Variants in IL1RAPL2 observed in about 807,000 individuals in gnomAD.
The protein encoded by IL1RAPL2 is interleukin 1 receptor accessory protein like 2.
IL1RAPL2 carries 3 observed loss-of-function variants against 44.1 expected under a neutral mutation model. The observed-to-expected ratio is 0.07, with a 90% confidence interval of 0.03 to 0.18. The LOEUF (loss-of-function observed/expected upper bound fraction) is 0.18, where lower values mean the gene tolerates loss of function less well. Ranked by LOEUF, IL1RAPL2 falls within the 10% of genes least tolerant of loss-of-function variation. IL1RAPL2 has a pLI of 1.00. For missense variants in IL1RAPL2, 391 were observed against 496.4 expected, an observed-to-expected ratio of 0.79 and a Z score of 2.02; for synonymous variants, 181 against 178.8, an observed-to-expected ratio of 1.01 and a Z score of -0.10.
intron 2 of IL1RAPL2, among the ~76,000 whole-genome samples, chrX:104,662,809 G>T (rs1930426183): frequency 8.9e-6 from 1 of 112,021 alleles, no homozygotes; most frequent in South Asian, 3.7e-4. Flanking sequence ...TTATGCAGTT[G>T]TTGGCATTCA....
chrX:104,644,881 C>T (rs369986352), intron 1 of IL1RAPL2, among the ~76,000 whole-genome samples: 3 of 111,699 alleles, frequency 2.7e-5, no homozygotes, highest in African/African-American at 9.7e-5. Context: ...TCAATCTATA[C>T]AGTCTGATTC....
At chrX:105,062,952 C>T (rs1418655569) in intron 2 of IL1RAPL2, among the ~76,000 whole-genome samples, 1 of 111,179 alleles carries the variant, frequency 9.0e-6, no homozygotes, top group African/African-American at 3.3e-5. Context: ...CTATAACCTT[C>T]TTGTACTTGA....
intron 2 of IL1RAPL2, among the ~76,000 whole-genome samples, chrX:104,983,437 A>ATAGATACATAATATTATATAATAT (rs1569355604): frequency 4.5e-5 from 4 of 88,831 alleles, no homozygotes; most frequent in East Asian, 6.6e-4. Context: ...ATAATATATA[A>ATAGATACATAATATTATATAATAT]TAGATACATA....
In IL1RAPL2 at chrX:104,906,707, C is replaced by A. The variant is rs147939947; in HGVS notation, c.82+247712C>A. ...TTGATGTGCTGCTGGATTCGTTTTG[C>A]CAGTATGTTATTGAAGATTTTTGCA... is the stretch of plus-strand genomic sequence containing the variant. On this transcript the variant is annotated intron_variant, in intron 2 of 10. Transcript: ENST00000372582. 6.5e-3 allele frequency among the ~76,000 whole-genome samples: 728 copies of A among 111,603 alleles called. 3 individuals are homozygous for A. Among genetic ancestry groups the A allele is most frequent in the African/African-American group, 0.023 (693 of 30,720 alleles).
chrX:104,660,083 T>C (rs750627027), intron 2 of IL1RAPL2, among the ~76,000 whole-genome samples: 9 of 111,711 alleles, frequency 8.1e-5, no homozygotes, highest in Admixed American at 7.6e-4. Flanking sequence ...GATAGGGCAA[T>C]ATATTGTCTT....
At chrX:105,148,256 C>A (rs1403756172) in intron 2 of IL1RAPL2, among the ~76,000 whole-genome samples, 1 of 111,340 alleles carries the variant, frequency 9.0e-6, no homozygotes, top group Non-Finnish European at 1.9e-5. Flanking sequence ...CACCTCCATG[C>A]TGTGACACAT....
intron 5 of IL1RAPL2, among the ~76,000 whole-genome samples, chrX:105,365,159 A>G (rs2035284477): frequency 9.0e-6 from 1 of 111,640 alleles, no homozygotes; most frequent in African/African-American, 3.2e-5. Context: ...TGAGATGATC[A>G]TGTGGTTTTT....
Position 105,220,004 on chromosome X carries a change from C to T in IL1RAPL2, c.357-13814C>T. On this transcript the variant is annotated intron_variant, in intron 3 of 10. Coordinates refer to ENST00000372582, the MANE Select transcript of IL1RAPL2 (RefSeq NM_017416.2). ...TGCACCTCCACGAGGCTGGTCTGGG[C>T]CATTCTTAGCCGGGAGGCCGCCTCC... 8.3e-7 allele frequency: 1 copy of T among 1,209,988 alleles called. No individual in the cohort carries two copies. The highest frequency in any genetic ancestry group is 1.1e-6 in the Non-Finnish European group (1 of 894,557).
intron 2 of IL1RAPL2, among the ~76,000 whole-genome samples, chrX:104,663,027 G>T (rs1314975384): frequency 8.9e-6 from 1 of 111,762 alleles, no homozygotes; most frequent in Non-Finnish European, 1.9e-5. Flanking sequence ...TAAGAAGAAT[G>T]TGAAGACTTG....
chrX:105,767,333 T>A lies in IL1RAPL2; in HGVS notation c.1733T>A (p.Phe578Tyr), dbSNP rs759182698. The A allele has an allele frequency of 3.3e-6, 4 of 1,210,336 alleles. No individual in the cohort carries two copies. Among genetic ancestry groups the A allele is most frequent in the Non-Finnish European group, 3.4e-6 (3 of 895,226 alleles). ...HVLDSAEQGLFGELQPIPSIA... is the reference protein window; with the variant it reads ...HVLDSAEQGLYGELQPIPSIA... ...CTGGACTCCGCAGAACAAGGACTTTTTGGAGAACTCCAGCCTATACCCTCT... is the reference window on the plus strand; with the variant it reads ...CTGGACTCCGCAGAACAAGGACTTTATGGAGAACTCCAGCCTATACCCTCT... Residue 578 changes from phenylalanine to tyrosine, a missense_variant, in exon 11 of 11, where the codon TTT becomes TAT. Coordinates refer to ENST00000372582, the MANE Select transcript of IL1RAPL2 (RefSeq NM_017416.2).
chrX:105,511,043 A>G (rs749035892), intron 6 of IL1RAPL2, among the ~76,000 whole-genome samples: 15 of 111,837 alleles, frequency 1.3e-4, no homozygotes, highest in Non-Finnish European at 2.3e-4. Flanking sequence ...TGATATGACA[A>G]AGGAAATGTA....
chrX:104,660,369 T>A (rs1309628667), intron 2 of IL1RAPL2, among the ~76,000 whole-genome samples: 7 of 109,360 alleles, frequency 6.4e-5, no homozygotes, highest in African/African-American at 2.0e-4. Context: ...CATGTCATAA[T>A]GTCTGGAGCA....
At chrX:105,265,086 CAGTG>C (rs1243410375) in intron 4 of IL1RAPL2, among the ~76,000 whole-genome samples, 1 of 111,912 alleles carries the variant, frequency 8.9e-6, no homozygotes, top group African/African-American at 3.2e-5. Context: ...AAAAGCAAAA[CAGTG>C]AGCAGAGAAA....
intron 6 of IL1RAPL2, among the ~76,000 whole-genome samples, chrX:105,529,892 TC>T (rs1360591997): frequency 2.7e-5 from 3 of 112,212 alleles, no homozygotes; most frequent in Non-Finnish European, 5.6e-5. Context: ...AGAATTTCCT[TC>T]CCTTTTAAGG....
At chrX:105,271,754 C>T (rs764141983) in intron 5 of IL1RAPL2, among the ~76,000 whole-genome samples, 1 of 110,225 alleles carries the variant, frequency 9.1e-6, no homozygotes, top group South Asian at 4.0e-4. Flanking sequence ...AGGTCCTTCA[C>T]ATCCCTTGTA....
At chrX:105,249,309 G>T (rs1233115803) in intron 4 of IL1RAPL2, among the ~76,000 whole-genome samples, 3 of 110,742 alleles carry the variant, frequency 2.7e-5, no homozygotes, top group Non-Finnish European at 5.7e-5. Flanking sequence ...GGAACTCCTA[G>T]ACACAGATAG....
At chrX:105,208,269 C>A (rs781797993) in intron 3 of IL1RAPL2, among the ~76,000 whole-genome samples, 4 of 111,971 alleles carry the variant, frequency 3.6e-5, no homozygotes, top group Non-Finnish European at 7.5e-5. Context: ...AACTAATGAG[C>A]ACCTTAACTT....
intron 2 of IL1RAPL2, among the ~76,000 whole-genome samples, chrX:104,715,417 C>A (rs867365043): frequency 8.9e-4 from 64 of 72,265 alleles, no homozygotes; most frequent in East Asian, 1.8e-3. Context: ...TCTATTTTTT[C>A]AAAAAAAAAA....
intron 9 of IL1RAPL2, among the ~76,000 whole-genome samples, chrX:105,754,224 TA>T (rs1415955535): frequency 1.8e-5 from 2 of 112,438 alleles, no homozygotes; most frequent in South Asian, 3.6e-4. Flanking sequence ...TACATTAACT[TA>T]AAAAAATTTT....
Sources: allele counts gnomAD v4.1 joint callset (sites outside exome capture counted in the v4.1 genomes callset), GRCh38; gene constraint gnomAD v4.1.1; transcripts MANE v1.5; gene names NCBI Gene and HGNC (gene_info 2026-07-23, HGNC 2026-07-21).